The following RABGAP1L variants were observed in gnomAD, a reference collection of about 807,000 sequenced individuals.
RABGAP1L encodes the protein RAB GTPase activating protein 1 like.
A neutral mutation model predicts 137.7 loss-of-function variants in RABGAP1L; 63 were observed. The ratio of observed to expected loss-of-function variants is 0.46; its 90% CI spans 0.37 to 0.56. The LOEUF is 0.56. RABGAP1L is among the 20% of genes least tolerant of loss of function. The probability of loss-of-function intolerance (pLI) is 0.00; values close to 1 mark genes in which losing one functional copy is unlikely to be tolerated. For synonymous variants in RABGAP1L, 431 were observed against 433.7 expected (o/e 0.99, Z 0.08); for missense variants, 1,095 against 1,244.0 (o/e 0.88, Z 1.80).
At chr1:174,652,843 C>T (rs891997823) in intron 14 of RABGAP1L, among the ~76,000 whole-genome samples, 16 of 152,334 alleles carry the variant, frequency 1.1e-4, no homozygotes, top group African/African-American at 3.4e-4. Flanking sequence ...AGATCTGCTG[C>T]TCTCTTTACA....
intron 14 of RABGAP1L, among the ~76,000 whole-genome samples, chr1:174,677,461 T>G (rs1677726627): frequency 6.6e-6 from 1 of 152,258 alleles, no homozygotes; most frequent in African/African-American, 2.4e-5. Context: ...CTAGTTAATT[T>G]CATCTGAAGA....
intron 12 of RABGAP1L, among the ~76,000 whole-genome samples, chr1:174,392,729 G>A (rs1018703172): frequency 2.6e-5 from 4 of 152,188 alleles, no homozygotes; most frequent in Non-Finnish European, 4.4e-5. Flanking sequence ...TTGAGCTAGA[G>A]GTAGAAGAGT....
At chr1:174,632,244 G>T (rs1362190097) in intron 13 of RABGAP1L, among the ~76,000 whole-genome samples, 1 of 143,430 alleles carries the variant, frequency 7.0e-6, no homozygotes. Flanking sequence ...TGGCTTGTAG[G>T]GTTTCTGCCG....
At chr1:174,693,046 A>G (rs1301951728) in intron 15 of RABGAP1L, among the ~76,000 whole-genome samples, 1 of 152,126 alleles carries the variant, frequency 6.6e-6, no homozygotes, top group Non-Finnish European at 1.5e-5. Flanking sequence ...TTTCTGGGCA[A>G]AGTTTTGAGA....
At chr1:174,396,270 T>C in intron 13 of RABGAP1L, among the ~76,000 whole-genome samples, 1 of 152,136 alleles carries the variant, frequency 6.6e-6, no homozygotes. Flanking sequence ...AGATTATGAA[T>C]ATACTAAAAA....
At chr1:174,199,259 A>G (rs1053641899) in intron 1 of RABGAP1L, among the ~76,000 whole-genome samples, 4 of 152,140 alleles carry the variant, frequency 2.6e-5, no homozygotes, top group African/African-American at 9.7e-5. Flanking sequence ...ATCTTGAGTC[A>G]TATATTTTAG....
At chr1:174,906,444 A>G (rs1659100814) in intron 19 of RABGAP1L, among the ~76,000 whole-genome samples, 1 of 152,090 alleles carries the variant, frequency 6.6e-6, no homozygotes. Context: ...CCTGACCAAC[A>G]AGGTGAAACC....
At chr1:174,595,567 T>C (rs1669818799) in intron 13 of RABGAP1L, among the ~76,000 whole-genome samples, 1 of 141,348 alleles carries the variant, frequency 7.1e-6, no homozygotes, top group East Asian at 2.1e-4. Context: ...TAGTTTTCCT[T>C]CTAACAGACA....
At position 174,823,374 on chromosome 1, in the gene RABGAP1L, C is replaced by T. The variant is rs550981283; in HGVS notation, c.2340+11414C>T. Among the ~76,000 whole-genome samples the T allele has an allele frequency of 1.8e-4, 28 of 152,256 alleles. 1 individual carries two copies. The highest frequency in any genetic ancestry group is 3.7e-4 in the Non-Finnish European group (25 of 68,024). On this transcript the variant is annotated intron_variant, in intron 19 of 25. Transcript: ENST00000681986. The stretch of plus-strand genomic sequence containing the variant: ...GAACAGCAGTAATCAATAATTTTCC[C>T]GCAACCATTTACCGTGATTCTACAT...
chr1:174,441,248 AT>A (rs1281820813), intron 13 of RABGAP1L, among the ~76,000 whole-genome samples: 1 of 151,984 alleles, frequency 6.6e-6, no homozygotes, highest in African/African-American at 2.4e-5. Flanking sequence ...GTAAAAAAAA[AT>A]GGCAATAATA....
At chr1:174,659,002 A>G (rs1676177198) in intron 14 of RABGAP1L, among the ~76,000 whole-genome samples, 1 of 152,150 alleles carries the variant, frequency 6.6e-6, no homozygotes, top group Non-Finnish European at 1.5e-5. Flanking sequence ...AATCCATAAG[A>G]ATTTTAGCAA....
chr1:174,955,665 A>G (rs1248756020), intron 19 of RABGAP1L, among the ~76,000 whole-genome samples: 3 of 152,244 alleles, frequency 2.0e-5, no homozygotes, highest in Non-Finnish European at 4.4e-5. Context: ...ACTGCTAGGT[A>G]TTATGGCAGA....
At chr1:174,211,838 A>T (rs567331181) in intron 1 of RABGAP1L, among the ~76,000 whole-genome samples, 1 of 152,162 alleles carries the variant, frequency 6.6e-6, no homozygotes, top group Admixed American at 6.5e-5. Flanking sequence ...CTATACTTCT[A>T]TCAGACAAAA....
chr1:174,654,514 G>A (rs1487493191), intron 14 of RABGAP1L, among the ~76,000 whole-genome samples: 2 of 151,978 alleles, frequency 1.3e-5, no homozygotes, highest in African/African-American at 2.4e-5. Context: ...TTCATGAGTG[G>A]TGTCCTGTAT....
intron 18 of RABGAP1L, among the ~76,000 whole-genome samples, chr1:174,804,499 C>T (rs938118261): frequency 6.6e-6 from 1 of 152,018 alleles, no homozygotes; most frequent in Admixed American, 6.6e-5. Context: ...AAAGGCTGTT[C>T]TTCACCTGGG....
intron 13 of RABGAP1L, among the ~76,000 whole-genome samples, chr1:174,620,724 A>G (rs1672373436): frequency 6.6e-6 from 1 of 152,198 alleles, no homozygotes; most frequent in African/African-American, 2.4e-5. Flanking sequence ...AATTAAAAGA[A>G]CTAGAGAAGC....
At position 174,982,828 on chromosome 1, in the gene RABGAP1L, C is replaced by G. The variant is rs760515335; in HGVS notation, c.2734-6C>G. On this transcript the variant is annotated splice_region_variant and splice_polypyrimidine_tract_variant and intron_variant, in intron 23 of 25. Coordinates refer to ENST00000681986, the MANE Select transcript of RABGAP1L (RefSeq NM_001366446.1). ...TTCTAGTAAAAGACTCTTTTCTCAT[C>G]CTTAGATCTGTTCGCAGTTGAGTAC... The G allele has an allele frequency of 6.5e-7, 1 of 1,550,220 alleles. No individual in the cohort carries two copies. The highest frequency in any genetic ancestry group is 1.2e-5 in the South Asian group (1 of 84,048).
chr1:174,532,784 G>A (rs538823547), intron 13 of RABGAP1L, among the ~76,000 whole-genome samples: 1 of 152,050 alleles, frequency 6.6e-6, no homozygotes, highest in South Asian at 2.1e-4. Context: ...GCAGCAAAGA[G>A]GAGTTAATCA....
intron 13 of RABGAP1L, among the ~76,000 whole-genome samples, chr1:174,414,408 G>A (rs1172710677): frequency 6.6e-6 from 1 of 151,994 alleles, no homozygotes; most frequent in Non-Finnish European, 1.5e-5. Context: ...CTTTTCGGTT[G>A]TATGACTTTT....
Sources: allele counts gnomAD v4.1 joint callset (sites outside exome capture counted in the v4.1 genomes callset), GRCh38; gene constraint gnomAD v4.1.1; transcripts MANE v1.5; gene names NCBI Gene and HGNC (gene_info 2026-07-23, HGNC 2026-07-21).